DEPDC5: variants seen among roughly 807,000 people sequenced by gnomAD.
The protein encoded by DEPDC5 is DEP domain containing 5, GATOR1 subcomplex subunit.
Under a neutral mutation model 217.3 loss-of-function variants are expected in DEPDC5, and 73 were observed. That is an observed-to-expected ratio of 0.34 (90% CI 0.28 to 0.41). DEPDC5 has a LOEUF of 0.41. DEPDC5 is among the 10% of genes least tolerant of loss of function. The pLI is 1.00. For synonymous variants in DEPDC5, 733 were observed against 756.7 expected, an observed-to-expected ratio of 0.97 and a Z score of 0.51; for missense variants, 1,675 against 2,070.1, an observed-to-expected ratio of 0.81 and a Z score of 3.70.
intron 12 of DEPDC5, 85 bp from the exon 13 acceptor site, chr22:31,797,515 C>T: frequency 1.8e-6 from 2 of 1,119,464 alleles, no homozygotes; most frequent in South Asian, 1.3e-5. Context: ...ATGGGTATTA[C>T]AATTTGAGAT....
intron 31 of DEPDC5, among the ~76,000 whole-genome samples, chr22:31,848,305 C>T (rs546836716): frequency 1.3e-5 from 2 of 152,338 alleles, no homozygotes; most frequent in South Asian, 4.1e-4. Context: ...CTCCACTAGG[C>T]AGTGCCCCAG....
At chr22:31,877,436 CAAAAAAAAAAAAA>C (rs71184527) in intron 37 of DEPDC5, among the ~76,000 whole-genome samples, 39 of 21,012 alleles carry the variant, frequency 1.9e-3, no homozygotes, top group African/African-American at 5.2e-3. Context: ...GACTCCATCT[CAAAAAAAAAAAAA>C]AAAAAAAAAA....
chr22:31,793,928 C>G (rs11703275), intron 12 of DEPDC5, among the ~76,000 whole-genome samples: 15,318 of 152,096 alleles, frequency 0.1, 837 homozygotes, highest in Admixed American at 0.14. Flanking sequence ...TTTTACGGGA[C>G]TTAGCATGAA....
intron 24 of DEPDC5, chr22:31,831,269 G>T (rs907179470): frequency 6.6e-6 from 1 of 152,208 alleles, no homozygotes; most frequent in African/African-American, 2.4e-5. Flanking sequence ...TTTATCTGTG[G>T]AAAAGGATCA....
intron 30 of DEPDC5, 146 bp downstream of exon 30, chr22:31,845,383 C>T (rs2091667832): frequency 2.1e-5 from 24 of 1,127,826 alleles, no homozygotes; most frequent in Non-Finnish European, 3.0e-5. Flanking sequence ...GTGTTTTCTC[C>T]TCCACCGCGG....
chr22:31,895,327 C>A (rs1378256281), intron 39 of DEPDC5, among the ~76,000 whole-genome samples: 1 of 152,076 alleles, frequency 6.6e-6, no homozygotes, highest in East Asian at 1.9e-4. Flanking sequence ...CCTGTTTTAA[C>A]TGGTCTTCCT....
At chr22:31,851,000 G>A (rs2091994316) in intron 31 of DEPDC5, among the ~76,000 whole-genome samples, 2 of 151,734 alleles carry the variant, frequency 1.3e-5, no homozygotes, top group Non-Finnish European at 1.5e-5. Context: ...CCTGGGAGGC[G>A]GAGGTTGCAG....
intron 20 of DEPDC5, chr22:31,814,289 TAAG>T (rs2088811940): frequency 6.6e-6 from 1 of 152,268 alleles, no homozygotes; most frequent in East Asian, 1.9e-4. Context: ...TTTCAACAAA[TAAG>T]AACTAAAAGA....
At chr22:31,879,323 C>T (rs1388591467) in intron 37 of DEPDC5, among the ~76,000 whole-genome samples, 3 of 151,958 alleles carry the variant, frequency 2.0e-5, no homozygotes, top group Non-Finnish European at 4.4e-5. Flanking sequence ...CCTCCCACCC[C>T]CAGCAACCAA....
At chr22:31,887,578 CAG>C (rs1453501961) in intron 38 of DEPDC5, among the ~76,000 whole-genome samples, 2 of 152,070 alleles carry the variant, frequency 1.3e-5, no homozygotes, top group Non-Finnish European at 2.9e-5. Flanking sequence ...TGAAACTAGG[CAG>C]AGTTTTGTGT....
chr22:31,785,156 A>T (rs1280098245), intron 10 of DEPDC5: 1 of 309,400 alleles, frequency 3.2e-6, no homozygotes, highest in Non-Finnish European at 6.0e-6. Flanking sequence ...TACTAACTAG[A>T]AGTTCTAGAC....
chr22:31,810,713 C>CT, intron 20 of DEPDC5, 72 bp downstream of exon 20: 7 of 1,566,744 alleles, frequency 4.5e-6, no homozygotes, highest in Non-Finnish European at 6.1e-6. Context: ...GTAGTGACCT[C>CT]TAAGAGAGCA....
intron 33 of DEPDC5, among the ~76,000 whole-genome samples, chr22:31,869,294 C>A (rs1418394354): frequency 2.0e-5 from 3 of 151,446 alleles, no homozygotes; most frequent in Non-Finnish European, 2.9e-5. Context: ...TTGGCAGCTA[C>A]CAGAAGCTCA....
At chr22:31,821,437 A>G in intron 22 of DEPDC5, 65 bp from the exon 23 acceptor site, 1 of 1,592,370 alleles carries the variant, frequency 6.3e-7, no homozygotes, top group Non-Finnish European at 8.6e-7. Flanking sequence ...AAGGGAGAGT[A>G]TAGTTAAGTG....
At chr22:31,795,151 A>G (rs1436032656) in intron 12 of DEPDC5, among the ~76,000 whole-genome samples, 2 of 148,318 alleles carry the variant, frequency 1.3e-5, no homozygotes, top group Non-Finnish European at 3.0e-5. Context: ...GCTCACTGCA[A>G]CTTCCGCCTC....
At chr22:31,814,236 T>C (rs181324697) in intron 20 of DEPDC5, 7 of 152,320 alleles carry the variant, frequency 4.6e-5, no homozygotes, top group Admixed American at 2.6e-4. Flanking sequence ...GTTATTTATT[T>C]ATTTAGTGTC....
intron 25 of DEPDC5, among the ~76,000 whole-genome samples, chr22:31,836,020 A>G (rs115163486): frequency 0.015 from 2,269 of 152,332 alleles, 54 homozygotes; most frequent in African/African-American, 0.053. Flanking sequence ...TCGGCTTCGT[A>G]TTGCTCCCTT....
chr22:31,841,624 C>T (rs2091396552), intron 27 of DEPDC5, among the ~76,000 whole-genome samples: 1 of 152,148 alleles, frequency 6.6e-6, no homozygotes, highest in South Asian at 2.1e-4. Flanking sequence ...TGGTGGCTCG[C>T]AATCAGTCTG....
chr22:31,876,836 A>G (rs1391412474), intron 37 of DEPDC5, among the ~76,000 whole-genome samples: 1 of 152,196 alleles, frequency 6.6e-6, no homozygotes, highest in Non-Finnish European at 1.5e-5. Context: ...GCTGACTCAC[A>G]TAACTGGAGG....
Sources: allele counts gnomAD v4.1 joint callset (sites outside exome capture counted in the v4.1 genomes callset), GRCh38; gene constraint gnomAD v4.1.1; transcripts MANE v1.5; gene names NCBI Gene and HGNC (gene_info 2026-07-23, HGNC 2026-07-21).